PIK3CD: variants seen among roughly 807,000 people sequenced by gnomAD.
The protein encoded by PIK3CD is phosphatidylinositol 4,5-bisphosphate 3-kinase catalytic subunit delta isoform.
A neutral mutation model predicts 122.9 loss-of-function variants in PIK3CD; 20 were observed. That is an observed-to-expected ratio of 0.16 (90% CI 0.11 to 0.24). The LOEUF is 0.24. PIK3CD is among the 10% of genes least tolerant of loss of function. The pLI is 1.00. For missense variants in PIK3CD, 787 were observed against 1,406.3 expected (o/e 0.56, Z 7.04); for synonymous variants, 596 against 593.4 (o/e 1.00, Z -0.06).
At chr1:9,644,708 T>G in the PIK3CD span, among the ~76,000 whole-genome samples, 2 of 151,942 alleles carry the variant, frequency 1.3e-5, no homozygotes, top group African/African-American at 4.8e-5. Flanking sequence ...CCCTTTGAAT[T>G]GTCAAAAAAA....
intron 23 of PIK3CD, 133 bp from the exon 24 acceptor site, chr1:9,726,772 TAGAG>T: frequency 1.8e-6 from 2 of 1,118,060 alleles, no homozygotes; most frequent in Admixed American, 2.1e-5. Context: ...GGGAGCGGAA[TAGAG>T]AGCTTTTCCT....
chr1:9,710,297 C>T lies in PIK3CD; in HGVS notation c.-32-127C>T, dbSNP rs79190623. 6.6e-3 allele frequency: 5,199 copies of T among 792,242 alleles called. 110 individuals carry two copies. The highest frequency in any genetic ancestry group is 0.051 in the East Asian group (2,031 of 40,084). The allele number at this position is 792,242 out of a possible 1,614,324, so 49.1% of individuals were successfully genotyped here. On this transcript the variant is annotated intron_variant, in intron 2 of 23. Coordinates refer to ENST00000377346, the MANE Select transcript of PIK3CD (RefSeq NM_005026.5). The surrounding 1 kb of genome is among the most constrained non-coding windows in gnomAD (Gnocchi z 4.7). The stretch of plus-strand genomic sequence containing the variant: ...CTGAGGGAGGTGAGCTTTTTGTACC[C>T]GCAGGTCGGGAACTCACTCCTGAGC...
chr1:9,699,185 G>A (rs558180480), intron 2 of PIK3CD, among the ~76,000 whole-genome samples: 8 of 152,198 alleles, frequency 5.3e-5, no homozygotes, highest in African/African-American at 1.9e-4. Flanking sequence ...ACTCCAGCCA[G>A]GGCGATAGAA....
rs777821017 is a variant in PIK3CD at position 9,708,226 on chromosome 1, C to T, written c.-32-2198C>T. 1.1e-3 allele frequency among the ~76,000 whole-genome samples: 162 copies of T among 151,998 alleles called. 1 individual carries two copies. Among genetic ancestry groups the T allele is most frequent in the Middle Eastern group, 6.8e-3 (2 of 294 alleles). On this transcript the variant is annotated intron_variant, in intron 2 of 23. Coordinates refer to ENST00000377346, the MANE Select transcript of PIK3CD (RefSeq NM_005026.5). ...TTTGAGACAGTCTCACTCTGTCATC[C>T]AGGCTGGAGTGCAGTGGCGCAATCT... is the stretch of plus-strand genomic sequence containing the variant.
Position 9,720,234 on chromosome 1 carries a change from C to T in PIK3CD, c.1462C>T (p.Leu488=), listed in dbSNP as rs1258900023. 1 of 1,605,888 alleles carries T rather than the reference C, an allele frequency of 6.2e-7. No individual in the cohort carries two copies. Among genetic ancestry groups the T allele is most frequent in the Admixed American group, 1.7e-5 (1 of 59,826 alleles). Residue 488 remains leucine (L), a synonymous_variant, in exon 11 of 24, where the codon CTG becomes TTG. Transcript: ENST00000377346. The surrounding 1 kb of genome is among the most constrained non-coding windows in gnomAD (Gnocchi z 9.0). The stretch of plus-strand genomic sequence containing the variant: ...CCCGCACCCCGTGTACTACCCCGCC[C>T]TGGAGAAGGTCAGTGGGGGCCCCGC... ...VAPHPVYYPA[L]EKILELGRHS...
Position 9,728,508 on chromosome 1 carries a change from GA to G in PIK3CD, c.*1464del, listed in dbSNP as rs1650041004. 1 of 152,266 alleles carries G rather than the reference GA, an allele frequency of 6.6e-6. No individual in the cohort carries two copies. Among genetic ancestry groups the G allele is most frequent in the African/African-American group, 2.4e-5 (1 of 41,460 alleles). 9.4% of individuals were successfully genotyped at this position (152,266 alleles called of 1,614,324 possible). ...GGTCTTCCAAAACTCAACAGAGCCA[GA>G]AGTAGCCGCCCGCTCAGCGGCTCAG... On this transcript the variant is annotated 3_prime_UTR_variant, in exon 24 of 24. Transcript: ENST00000377346.
chr1:9,713,137 G>A (rs573937019), intron 3 of PIK3CD, among the ~76,000 whole-genome samples: 39 of 152,252 alleles, frequency 2.6e-4, no homozygotes, highest in African/African-American at 9.1e-4. Context: ...GAACTGAGAT[G>A]TGGGCCATTG....
At chr1:9,697,573 G>A (rs1646467893) in intron 2 of PIK3CD, among the ~76,000 whole-genome samples, 2 of 149,568 alleles carry the variant, frequency 1.3e-5, no homozygotes, top group Admixed American at 1.3e-4. Context: ...AAAAAAAAAA[G>A]TTTTTTTTTA....
chr1:9,718,945 C>T lies in PIK3CD; in HGVS notation c.1242+30C>T. On this transcript the variant is annotated intron_variant, in intron 9 of 23. Transcript: ENST00000377346. This position sits in a 1 kb window ranked among gnomAD's most constrained non-coding sequence, Gnocchi z 7.2. ...GTCCCAGGGCCGGCTGGGAGGGGTG[C>T]AGACCCCGGAGAGCCAGTACAGCCC... is the stretch of plus-strand genomic sequence containing the variant. 1 of 1,594,960 alleles carries T rather than the reference C, an allele frequency of 6.3e-7. No homozygotes were observed.
intron 1 of PIK3CD, among the ~76,000 whole-genome samples, chr1:9,665,405 C>T (rs933245102): frequency 9.2e-5 from 14 of 151,426 alleles, no homozygotes; most frequent in African/African-American, 3.2e-4. Flanking sequence ...AGGCGCACGC[C>T]GCCATGCCCG....
At position 9,689,556 on chromosome 1, in the gene PIK3CD, C is replaced by CCCT. The variant is rs1376832706; in HGVS notation, c.-137-1909_-137-1908insTCC. On this transcript the variant is annotated intron_variant, in intron 1 of 23. Transcript: ENST00000377346. The surrounding 1 kb of genome is among the most constrained non-coding windows in gnomAD (Gnocchi z 6.1). The stretch of plus-strand genomic sequence containing the variant: ...CCCCGGGCCGCGCCCCTCCGCCGAG[C>CCCT]CCCGCTTGCCTGCACCTCGCGCGGC... Among the ~76,000 whole-genome samples the CCCT allele has an allele frequency of 1.4e-5, 2 of 147,844 alleles. No homozygotes were observed. The highest frequency in any genetic ancestry group is 3.0e-5 in the Non-Finnish European group (2 of 66,424).
At position 9,717,923 on chromosome 1, in the gene PIK3CD, G is replaced by C. The variant is rs1271723737; in HGVS notation, c.1020+297G>C. ...CCCAGGGATCCGGGACCGCAGAGCT[G>C]GGGGAAGGGCCGGGCATGGAAGAGG... On this transcript the variant is annotated intron_variant, in intron 8 of 23. Transcript: ENST00000377346. The surrounding 1 kb of genome is among the most constrained non-coding windows in gnomAD (Gnocchi z 5.4). Among the ~76,000 whole-genome samples, 4 of 152,196 alleles carry C rather than the reference G, an allele frequency of 2.6e-5. No individual in the cohort carries two copies. In the East Asian group the frequency reaches 5.8e-4, roughly 22 times the overall value.
intron 2 of PIK3CD, among the ~76,000 whole-genome samples, chr1:9,696,209 C>G (rs898588470): frequency 1.4e-4 from 22 of 151,880 alleles, no homozygotes; most frequent in Admixed American, 1.3e-4. Context: ...TGGGCTCAAG[C>G]AATCCACCCA....
In PIK3CD at chr1:9,717,160, G is replaced by C; in HGVS notation, c.930+52G>C. 1 of 1,607,016 alleles carries C rather than the reference G, an allele frequency of 6.2e-7. No individual in the cohort carries two copies. ...CTGAGCCACCCCTTCTTTCCACCTG[G>C]CGTCCAACTCCATGTGCTACTGGCC... is the stretch of plus-strand genomic sequence containing the variant. On this transcript the variant is annotated intron_variant, in intron 7 of 23. Transcript: ENST00000377346. This position sits in a 1 kb window ranked among gnomAD's most constrained non-coding sequence, Gnocchi z 5.4.
In PIK3CD at chr1:9,700,392, T is replaced by A. The variant is rs566855503; in HGVS notation, c.-33+8821T>A. 6.1e-4 allele frequency among the ~76,000 whole-genome samples: 93 copies of A among 152,328 alleles called. No homozygotes were observed. The highest frequency in any genetic ancestry group is 2.2e-3 in the African/African-American group (90 of 41,582). On this transcript the variant is annotated intron_variant, in intron 2 of 23. Coordinates refer to ENST00000377346, the MANE Select transcript of PIK3CD (RefSeq NM_005026.5). This position sits in a 1 kb window ranked among gnomAD's most constrained non-coding sequence, Gnocchi z 5.1. ...GTGGTGTCCTGGCCAGAACCCCATG[T>A]GCGGGAGGGCTCCGCTTTGCACAGC...
intron 2 of PIK3CD, among the ~76,000 whole-genome samples, chr1:9,699,947 G>C (rs2100610381): frequency 1.3e-5 from 2 of 152,096 alleles, no homozygotes; most frequent in South Asian, 4.2e-4. Context: ...GTGGATTTTT[G>C]CTGGATCCTT....
chr1:9,638,822 C>T, the PIK3CD span, among the ~76,000 whole-genome samples: 1 of 141,634 alleles, frequency 7.1e-6, no homozygotes, highest in South Asian at 2.4e-4. Flanking sequence ...GTCGCCCAGG[C>T]TGGAGTGCCT....
the PIK3CD span, among the ~76,000 whole-genome samples, chr1:9,644,445 G>A: frequency 6.7e-6 from 1 of 148,594 alleles, no homozygotes; most frequent in South Asian, 2.1e-4. Flanking sequence ...TTGAACCCAG[G>A]AAGCGGAGGT....
At chr1:9,660,033 A>G (rs1644966521) in intron 1 of PIK3CD, among the ~76,000 whole-genome samples, 1 of 152,202 alleles carries the variant, frequency 6.6e-6, no homozygotes, top group African/African-American at 2.4e-5. Flanking sequence ...CTCCTGCCTC[A>G]GCCTCCCAAG....
Sources: gnomAD v4.1 joint callset for allele counts (sites outside exome capture counted in the v4.1 genomes callset) on GRCh38, gnomAD v4.1.1 for gene constraint, Gnocchi (gnomAD v3.1) non-coding constraint, MANE v1.5 for transcripts, NCBI Gene and HGNC (gene_info 2026-07-23, HGNC 2026-07-21) for gene names.